BLTP3A: variants seen among roughly 807,000 people sequenced by gnomAD.
The protein encoded by BLTP3A is bridge-like lipid transfer protein family member 3A.
the BLTP3A span, among the ~76,000 whole-genome samples, chr6:34,866,492 G>A: frequency 3.3e-4 from 50 of 151,530 alleles, no homozygotes; most frequent in Non-Finnish European, 6.0e-4. Context: ...ATATTTTGAA[G>A]CAAATCCCAA....
At chr6:34,871,611 T>C in the BLTP3A span, 4 of 1,613,534 alleles carry the variant, frequency 2.5e-6, no homozygotes, top group South Asian at 1.1e-5. Context: ...CTATCCAACA[T>C]CTCCAGGCCC....
the BLTP3A span, among the ~76,000 whole-genome samples, chr6:34,847,662 T>G: frequency 6.6e-6 from 1 of 151,876 alleles, no homozygotes; most frequent in Non-Finnish European, 1.5e-5. Context: ...TCTCTGATTT[T>G]ATTTATTTGG....
chr6:34,867,476 T>G, the BLTP3A span: 1 of 1,614,006 alleles, frequency 6.2e-7, no homozygotes, highest in Non-Finnish European at 8.5e-7. Context: ...GTCTCAGTTC[T>G]GGTCCTGAAG....
chr6:34,859,466 T>C, the BLTP3A span: 4 of 1,614,204 alleles, frequency 2.5e-6, no homozygotes, highest in South Asian at 3.3e-5. Flanking sequence ...CATGCCACCA[T>C]GGACCTCACC....
the BLTP3A span, among the ~76,000 whole-genome samples, chr6:34,812,457 G>T: frequency 6.6e-6 from 1 of 152,032 alleles, no homozygotes; most frequent in Non-Finnish European, 1.5e-5. Context: ...CCTAAGAAAA[G>T]CATGTAATAT....
chr6:34,836,108 G>T, the BLTP3A span: 1 of 1,581,464 alleles, frequency 6.3e-7, no homozygotes, highest in South Asian at 1.1e-5. Context: ...GCCTACAAAG[G>T]ATCTTTTCAG....
chr6:34,830,324 C>T, the BLTP3A span, among the ~76,000 whole-genome samples: 1 of 152,004 alleles, frequency 6.6e-6, no homozygotes, highest in South Asian at 2.1e-4. Context: ...TGTGGTGACT[C>T]ACGCCTGTAA....
At chr6:34,859,051 G>C in the BLTP3A span, 1 of 1,614,210 alleles carries the variant, frequency 6.2e-7, no homozygotes, top group East Asian at 2.2e-5. Flanking sequence ...TGCAGGCTCA[G>C]ATAGCACTAG....
At chr6:34,811,783 C>G in the BLTP3A span, among the ~76,000 whole-genome samples, 1 of 151,538 alleles carries the variant, frequency 6.6e-6, no homozygotes, top group Non-Finnish European at 1.5e-5. Context: ...CGCTTGAACC[C>G]AGGAGGTGGT....
the BLTP3A span, among the ~76,000 whole-genome samples, chr6:34,820,814 A>ATGT: frequency 9.7e-6 from 1 of 102,814 alleles, no homozygotes. Flanking sequence ...ACCATGCCTA[A>ATGT]TTTTTTTTTT....
the BLTP3A span, among the ~76,000 whole-genome samples, chr6:34,850,358 G>A: frequency 1.3e-5 from 2 of 152,034 alleles, no homozygotes; most frequent in Admixed American, 6.6e-5. Context: ...AAATATGCTT[G>A]TATTCTATAA....
the BLTP3A span, among the ~76,000 whole-genome samples, chr6:34,859,945 A>C: frequency 2.1e-3 from 320 of 152,240 alleles, 2 homozygotes; most frequent in Middle Eastern, 6.8e-3. Context: ...CTATATCAGA[A>C]TAATAATAAT....
chr6:34,835,691 A>C, the BLTP3A span, among the ~76,000 whole-genome samples: 1 of 152,184 alleles, frequency 6.6e-6, no homozygotes, highest in African/African-American at 2.4e-5. Flanking sequence ...AATGGAATAC[A>C]CCTCTTGTTC....
the BLTP3A span, chr6:34,834,191 T>C: frequency 6.2e-7 from 1 of 1,608,302 alleles, no homozygotes; most frequent in South Asian, 1.1e-5. Flanking sequence ...ATAATTCTGA[T>C]TGTTGGTCTA....
the BLTP3A span, chr6:34,875,256 C>A: frequency 1.3e-5 from 2 of 152,510 alleles, no homozygotes; most frequent in Non-Finnish European, 2.9e-5. Context: ...CAACAAACTA[C>A]TCCTTAGTGC....
chr6:34,805,113 G>A, the BLTP3A span, among the ~76,000 whole-genome samples: 1 of 151,972 alleles, frequency 6.6e-6, no homozygotes, highest in Admixed American at 6.6e-5. Context: ...GGGTAGCATA[G>A]CAAGACTCCA....
At chr6:34,855,569 G>T in the BLTP3A span, 3 of 1,604,216 alleles carry the variant, frequency 1.9e-6, no homozygotes, top group Admixed American at 1.7e-5. Flanking sequence ...TGGTGGTTTG[G>T]CTTCTTTGTT....
the BLTP3A span, among the ~76,000 whole-genome samples, chr6:34,847,952 A>G: frequency 1.4e-5 from 1 of 72,754 alleles, no homozygotes; most frequent in Non-Finnish European, 2.4e-5. Context: ...AGATAGCCTC[A>G]CTCTGTCACC....
the BLTP3A span, among the ~76,000 whole-genome samples, chr6:34,823,531 C>T: frequency 2.7e-5 from 4 of 150,402 alleles, no homozygotes; most frequent in Admixed American, 2.0e-4. Flanking sequence ...TGTCATTCTT[C>T]TTCTTCTGTT....
Sources: gnomAD v4.1 joint callset for allele counts (sites outside exome capture counted in the v4.1 genomes callset) on GRCh38, gnomAD v4.1.1 for gene constraint, MANE v1.5 for transcripts, NCBI Gene and HGNC (gene_info 2026-07-23, HGNC 2026-07-21) for gene names.